Variants in DHX30 observed in about 807,000 individuals in gnomAD.
The protein encoded by DHX30 is DExH-box helicase 30, also known as ATP-dependent RNA helicase DHX30.
A neutral mutation model predicts 116.9 loss-of-function variants in DHX30; 4 were observed. The ratio of observed to expected loss-of-function variants is 0.03; its 90% CI spans 0.02 to 0.08. DHX30 has a LOEUF of 0.08. DHX30 is among the 10% of genes least tolerant of loss of function. DHX30 has a pLI of 1.00. For synonymous variants in DHX30, 697 were observed against 651.7 expected, an observed-to-expected ratio of 1.07 and a Z score of -1.06; for missense variants, 871 against 1,595.1, an observed-to-expected ratio of 0.55 and a Z score of 7.73.
rs756267083 is a variant in DHX30 at position 47,850,040 on chromosome 3, G to A, written c.3505G>A (p.Gly1169Arg). 22 of 1,604,858 alleles carry A rather than the reference G, an allele frequency of 1.4e-5. No individual in the cohort carries two copies. The highest frequency in any genetic ancestry group is 1.7e-4 in the Middle Eastern group (1 of 5,908). ...ALPPSVQEEH[G>R]QLLALLAELL... is the part of the protein sequence containing the mutation. ...TCCCCCCAGCGTACAGGAGGAGCAC[G>A]GGCAGCTGCTTGCGCTACTGGCAGA... is the stretch of plus-strand genomic sequence containing the variant. Residue 1169 changes from glycine (G) to arginine (R), a missense_variant, in exon 22 of 22, where the codon GGG becomes AGG. Gly to Arg is a moderately radical substitution (Grantham distance 125). Coordinates refer to ENST00000445061, the MANE Select transcript of DHX30 (RefSeq NM_138615.3).
chr3:47,808,138 G>A (rs974604161), intron 2 of DHX30, among the ~76,000 whole-genome samples: 4 of 151,430 alleles, frequency 2.6e-5, no homozygotes, highest in South Asian at 2.1e-4. Context: ...TCAAACTCCC[G>A]ACCTCAGGTG....
chr3:47,817,097 G>T (rs748803087), intron 3 of DHX30: 48 of 394,422 alleles, frequency 1.2e-4, no homozygotes, highest in Non-Finnish European at 1.6e-4. Flanking sequence ...GAACATCTTT[G>T]TAGAACAGGT....
intron 3 of DHX30, among the ~76,000 whole-genome samples, chr3:47,817,552 C>T (rs921815634): frequency 6.6e-6 from 1 of 152,170 alleles, no homozygotes; most frequent in African/African-American, 2.4e-5. Flanking sequence ...CCCTCTCTTA[C>T]CCAGCTCTTG....
At chr3:47,819,365 C>A (rs561278788) in intron 4 of DHX30, 107 of 1,098,198 alleles carry the variant, frequency 9.7e-5, no homozygotes, top group Non-Finnish European at 1.3e-4. Flanking sequence ...CTTGAGCACA[C>A]GCGGAGGAGA....
chr3:47,821,850 C>T (rs1296613913), intron 4 of DHX30, among the ~76,000 whole-genome samples: 4 of 152,136 alleles, frequency 2.6e-5, no homozygotes, highest in Non-Finnish European at 4.4e-5. Flanking sequence ...CCACCCTCCT[C>T]GGCCTCCCAA....
chr3:47,839,673 TTTTGTTTG>T (rs138148593), intron 6 of DHX30, among the ~76,000 whole-genome samples: 2,504 of 151,910 alleles, frequency 0.016, 78 homozygotes, highest in African/African-American at 0.057. Context: ...ACATAGGTTT[TTTTGTTTG>T]TTTGTTTGTT....
At position 47,817,539 on chromosome 3, in the gene DHX30, C is replaced by T. The variant is rs556524361; in HGVS notation, c.29-483C>T. ...TCAAGCTGGACCCACATAGTCCAGT[C>T]GTCCCTCTCTTACCCAGCTCTTGGA... On this transcript the variant is annotated intron_variant, in intron 3 of 21. Transcript: ENST00000445061. Among the ~76,000 whole-genome samples, 14 of 152,278 alleles carry T rather than the reference C, an allele frequency of 9.2e-5. 1 individual carries two copies. In the South Asian group the frequency reaches 2.9e-3, roughly 32 times the overall value.
chr3:47,816,351 G>A (rs939749934), intron 3 of DHX30: 8 of 957,976 alleles, frequency 8.4e-6, no homozygotes, highest in Admixed American at 1.6e-4. Context: ...ACAAAGAGCC[G>A]TCTTCTTTTT....
chr3:47,837,629 C>T (rs1233561498), intron 6 of DHX30, among the ~76,000 whole-genome samples: 4 of 152,110 alleles, frequency 2.6e-5, no homozygotes, highest in Admixed American at 2.6e-4. Context: ...GGCCTGGTGG[C>T]GTACGCCTGT....
Position 47,847,543 on chromosome 3 carries a change from GC to G in DHX30, c.2110+11del, listed in dbSNP as rs2037671783. On this transcript the variant is annotated splice_region_variant and intron_variant, in intron 13 of 21. Transcript: ENST00000445061. This position sits in a 1 kb window ranked among gnomAD's most constrained non-coding sequence, Gnocchi z 5.5. ...AAGTACCTCATCCTGCCAGGTGAGA[GC>G]CCCGGCGGAGGGACCAGGGACCTTT... 1.9e-6 allele frequency: 3 copies of G among 1,593,530 alleles called. No individual in the cohort carries two copies. Among genetic ancestry groups the G allele is most frequent in the South Asian group, 2.3e-5 (2 of 88,542 alleles).
rs369981752 is a variant in DHX30, at chr3:47,844,319, C to T, written c.939+1064C>T. On this transcript the variant is annotated intron_variant, in intron 9 of 21. Coordinates refer to ENST00000445061, the MANE Select transcript of DHX30 (RefSeq NM_138615.3). ...GGGCACAGATATGCTACCTGTGACT[C>T]GAGGGCAGAACAAGGACTGAGTAGA... 7.1e-4 allele frequency among the ~76,000 whole-genome samples: 108 copies of T among 152,270 alleles called. 1 individual carries two copies. The highest frequency in any genetic ancestry group is 2.5e-3 in the African/African-American group (104 of 41,534).
intron 6 of DHX30, among the ~76,000 whole-genome samples, chr3:47,838,624 T>A (rs531311934): frequency 1.3e-5 from 2 of 152,222 alleles, no homozygotes; most frequent in Admixed American, 1.3e-4. Context: ...GAAAGCTCAC[T>A]GTAGAGAGGT....
chr3:47,808,111 T>C (rs2035615680), intron 2 of DHX30, among the ~76,000 whole-genome samples: 1 of 151,900 alleles, frequency 6.6e-6, no homozygotes, highest in Non-Finnish European at 1.5e-5. Context: ...GGTTTCTGCA[T>C]GTTGGTCAGG....
intron 10 of DHX30, 96 bp downstream of exon 10, chr3:47,845,948 T>TC: frequency 3.3e-6 from 5 of 1,504,252 alleles, no homozygotes; most frequent in Non-Finnish European, 3.6e-6. Context: ...CAGTAGTACC[T>TC]CCCCATTCTC....
intron 1 of DHX30, 89 bp from the exon 2 acceptor site, chr3:47,805,236 TG>T: frequency 2.5e-6 from 1 of 397,686 alleles, no homozygotes. Flanking sequence ...TAACAAAATT[TG>T]TCCTTGTTAG....
At chr3:47,822,506 G>A (rs1371956100) in intron 4 of DHX30, among the ~76,000 whole-genome samples, 1 of 152,188 alleles carries the variant, frequency 6.6e-6, no homozygotes, top group Non-Finnish European at 1.5e-5. Context: ...GGTTTTCCCA[G>A]CCGGGTGTGT....
At chr3:47,806,774 G>A (rs1180749864) in intron 2 of DHX30, among the ~76,000 whole-genome samples, 1 of 151,302 alleles carries the variant, frequency 6.6e-6, no homozygotes, top group Non-Finnish European at 1.5e-5. Context: ...TGTATTTTTA[G>A]TAGAGACAGG....
chr3:47,831,924 C>CTTTTTTTTTTTTTTTTTTTTTTTT (rs1448275730), intron 6 of DHX30, among the ~76,000 whole-genome samples: 7 of 120,380 alleles, frequency 5.8e-5, no homozygotes, highest in Admixed American at 1.8e-4. Flanking sequence ...AGGCCTTTTC[C>CTTTTTTTTTTTTTTTTTTTTTTTT]TTTTTCTTTT....
At chr3:47,821,522 G>A (rs2036299207) in intron 4 of DHX30, among the ~76,000 whole-genome samples, 2 of 152,078 alleles carry the variant, frequency 1.3e-5, no homozygotes, top group Admixed American at 1.3e-4. Context: ...GCCCGCTTCG[G>A]CCTCCCAAAG....
Sources: allele counts gnomAD v4.1 joint callset (sites outside exome capture counted in the v4.1 genomes callset), GRCh38; gene constraint gnomAD v4.1.1; non-coding constraint Gnocchi (gnomAD v3.1); transcripts MANE v1.5; gene names NCBI Gene and HGNC (gene_info 2026-07-23, HGNC 2026-07-21).